Variants in IL20 observed in about 807,000 individuals in gnomAD.
IL20 encodes interleukin 20.
In IL20, 22 loss-of-function variants were observed where a neutral mutation model predicts 19.2. The ratio of observed to expected loss-of-function variants is 1.15; its 90% CI spans 0.82 to 1.64. The LOEUF is 1.64. IL20 is among the 40% of genes most tolerant of loss of function. The pLI, the probability that IL20 is intolerant of heterozygous loss-of-function variation, is 0.00. For missense variants in IL20, 215 were observed against 212.8 expected (o/e 1.01, Z -0.06); for synonymous variants, 70 against 76.2 (o/e 0.92, Z 0.43).
At chr1:206,865,585 G>C (rs1393732620), upstream of IL20, 2 of 1,242,748 alleles carry the variant, frequency 1.6e-6, no homozygotes, top group African/African-American at 3.0e-5. This position sits in a 1 kb window ranked among gnomAD's most constrained non-coding sequence, Gnocchi z 4.1. Context: ...GCCAGGATGG[G>C]GACAGAATAA....
At chr1:206,867,051 G>A (rs1298341948) in intron 4 of IL20, among the ~76,000 whole-genome samples, 1 of 147,138 alleles carries the variant, frequency 6.8e-6, no homozygotes, top group East Asian at 2.0e-4. Context: ...TTTTTCTCAT[G>A]GGGGCTCAAA....
In IL20 at chr1:206,865,775, G is replaced by T; in HGVS notation, c.-30-48G>T. On this transcript the variant is annotated intron_variant, in intron 1 of 5. Transcript: ENST00000367098. This position sits in a 1 kb window ranked among gnomAD's most constrained non-coding sequence, Gnocchi z 4.1. ...CCCACCCCTCACCCCGTGGACACTT[G>T]GAGGAGGGGAAACTCAGTAAGTCAT... is the stretch of plus-strand genomic sequence containing the variant. The T allele has an allele frequency of 2.6e-5, 39 of 1,508,850 alleles. No individual in the cohort carries two copies. The highest frequency in any genetic ancestry group is 2.6e-5 in the Non-Finnish European group (29 of 1,110,294). 93.5% of individuals were successfully genotyped at this position (1,508,850 alleles called of 1,614,324 possible).
upstream of IL20, chr1:206,865,528 C>G: frequency 9.0e-7 from 1 of 1,112,194 alleles, no homozygotes; most frequent in Non-Finnish European, 1.1e-6. This position sits in a 1 kb window ranked among gnomAD's most constrained non-coding sequence, Gnocchi z 4.1. Flanking sequence ...CTATTCACTG[C>G]AAGTGCCTGC....
Position 206,866,578 on chromosome 1 carries a change from G to A in IL20, c.320G>A (p.Arg107Gln), listed in dbSNP as rs35856950. ...CAGACCCCTGACCATTATACTCTCC[G>A]GAAGATCAGCAGCCTCGCCAATTCC... ...NYQTPDHYTLRKISSLANSFL... is the reference protein window; with the variant it reads ...NYQTPDHYTLQKISSLANSFL... Residue 107 changes from arginine (R) to glutamine (Q), a missense_variant, in exon 4 of 6, where the codon CGG (arginine) becomes CAG (glutamine). Coordinates refer to ENST00000367098, the MANE Select transcript of IL20 (RefSeq NM_018724.4). The A allele has an allele frequency of 2.9e-4, 476 of 1,614,060 alleles. 3 individuals carry two copies. In the African/African-American group the frequency reaches 5.0e-3, roughly 17 times the overall value.
intron 3 of IL20, 56 bp from the exon 4 acceptor site, chr1:206,866,428 G>T: frequency 6.2e-7 from 1 of 1,613,262 alleles, no homozygotes; most frequent in Non-Finnish European, 8.5e-7. Flanking sequence ...CCATCACCCT[G>T]GTCTTGTCTC....
At chr1:206,866,463 T>C (rs1282800821) in intron 3 of IL20, 21 bp from the exon 4 acceptor site, 11 of 1,613,902 alleles carry the variant, frequency 6.8e-6, no homozygotes, top group Non-Finnish European at 8.5e-6. Flanking sequence ...CCCTCACCAA[T>C]ATACCTGTGG....
chr1:206,868,582 T>C lies in IL20; in HGVS notation c.*18T>C. ...CAGAATAGGAGGAAAGTGATGCTGCTGCTAAGAATATTCGAGGTCAAGAGC... is the reference window on the plus strand; with the variant it reads ...CAGAATAGGAGGAAAGTGATGCTGCCGCTAAGAATATTCGAGGTCAAGAGC... On this transcript the variant is annotated 3_prime_UTR_variant, in exon 6 of 6. Transcript: ENST00000367098. The C allele has an allele frequency of 1.3e-6, 2 of 1,579,062 alleles. No homozygotes were observed. Among genetic ancestry groups the C allele is most frequent in the Non-Finnish European group, 8.6e-7 (1 of 1,161,030 alleles).
At chr1:206,865,435 C>T, upstream of IL20, 3 of 923,868 alleles carry the variant, frequency 3.2e-6, no homozygotes, top group Non-Finnish European at 3.9e-6. The surrounding 1 kb of genome is among the most constrained non-coding windows in gnomAD (Gnocchi z 4.1). Context: ...GGGTGAGCTA[C>T]GTTGGCTTTC....
chr1:206,867,651 A>G (rs562100814), intron 5 of IL20, among the ~76,000 whole-genome samples, 193 bp downstream of exon 5: 2 of 152,262 alleles, frequency 1.3e-5, no homozygotes, highest in South Asian at 4.2e-4. Context: ...TCTCTGGGTG[A>G]TGCTCTGGAA....
At chr1:206,865,517 T>C (rs1677519999), upstream of IL20, 2 of 1,076,166 alleles carry the variant, frequency 1.9e-6, no homozygotes, top group Non-Finnish European at 2.3e-6. This position sits in a 1 kb window ranked among gnomAD's most constrained non-coding sequence, Gnocchi z 4.1. Context: ...TCATTCTCTA[T>C]CTATTCACTG....
intron 4 of IL20, among the ~76,000 whole-genome samples, chr1:206,867,162 A>G (rs1677575706): frequency 1.3e-5 from 2 of 151,526 alleles, no homozygotes; most frequent in Admixed American, 1.3e-4. Context: ...GCCTATTTCT[A>G]AAAAAGAAGT....
chr1:206,868,622 C>T lies in IL20; in HGVS notation c.*58C>T. 3.8e-6 allele frequency: 5 copies of T among 1,318,490 alleles called. No individual in the cohort carries two copies. Among genetic ancestry groups the T allele is most frequent in the African/African-American group, 1.5e-5 (1 of 67,896 alleles). 81.7% of individuals were successfully genotyped at this position (1,318,490 alleles called of 1,614,324 possible). On this transcript the variant is annotated 3_prime_UTR_variant, in exon 6 of 6. Transcript: ENST00000367098. Reference sequence around the variant, plus strand: ...AGGTCAAGAGCTCCAGTCTTCAATACCTGCAGAGGAGGCATGACCCCAAAC... The same window carrying T: ...AGGTCAAGAGCTCCAGTCTTCAATATCTGCAGAGGAGGCATGACCCCAAAC...
chr1:206,865,785 A>T lies in IL20; in HGVS notation c.-30-38A>T. ...ACCCCGTGGACACTTGGAGGAGGGG[A>T]AACTCAGTAAGTCATGCTCTCTTCT... On this transcript the variant is annotated intron_variant, in intron 1 of 5. Coordinates refer to ENST00000367098, the MANE Select transcript of IL20 (RefSeq NM_018724.4). The surrounding 1 kb of genome is among the most constrained non-coding windows in gnomAD (Gnocchi z 4.1). 6.5e-7 allele frequency: 1 copy of T among 1,545,738 alleles called. No individual in the cohort carries two copies. The highest frequency in any genetic ancestry group is 8.8e-7 in the Non-Finnish European group (1 of 1,139,152).
rs1429695490 is a variant in IL20 at position 206,866,359 on chromosome 1, A to G, written c.220A>G (p.Thr74Ala). The change falls in exon 3 of 6, where the codon ACA becomes GCA. Residue 74 changes from threonine (T) to alanine (A), a missense_variant. Thr to Ala is a moderately conservative substitution (Grantham distance 58, BLOSUM62 0). Coordinates refer to ENST00000367098, the MANE Select transcript of IL20 (RefSeq NM_018724.4). ...AAGGAGGACTGAGTCTTTGCAAGAC[A>G]CAAAGGTATGTGCTTGGCCCAGACA... is the stretch of plus-strand genomic sequence containing the variant. ...ILRRTESLQD[T>A]KPANRCCLLR... The G allele has an allele frequency of 6.2e-7, 1 of 1,614,048 alleles. No individual in the cohort carries two copies. Among genetic ancestry groups the G allele is most frequent in the Admixed American group, 1.7e-5 (1 of 60,028 alleles).
rs758909934 is a variant in IL20, at chr1:206,868,530, A to C, written c.497A>C (p.Asp166Ala). The C allele has an allele frequency of 4.4e-6, 7 of 1,606,896 alleles. No homozygotes were observed. Among genetic ancestry groups the C allele is most frequent in the Non-Finnish European group, 5.1e-6 (6 of 1,176,638 alleles). ...GTTGTGAAGGCTTTGGGGGAACTAG[A>C]CATTCTTCTGCAATGGATGGAGGAG... The part of the protein sequence containing the change: ...AAVVKALGEL[D>A]ILLQWMEETE The change falls in exon 6 of 6, where the codon GAC becomes GCC. Residue 166 changes from aspartate to alanine, a missense_variant. Physicochemically the swap from Asp to Ala is moderately radical, Grantham distance 126 (BLOSUM62 -2). Transcript: ENST00000367098.
At chr1:206,865,112 G>C (rs1458155371), upstream of IL20, among the ~76,000 whole-genome samples, 1 of 152,210 alleles carries the variant, frequency 6.6e-6, no homozygotes, top group African/African-American at 2.4e-5. The surrounding 1 kb of genome is among the most constrained non-coding windows in gnomAD (Gnocchi z 4.1). Flanking sequence ...CTCCTGCAGA[G>C]GGCGCTGTGG....
At chr1:206,868,029 A>C (rs1288521039) in intron 5 of IL20, among the ~76,000 whole-genome samples, 1 of 152,086 alleles carries the variant, frequency 6.6e-6, no homozygotes, top group Non-Finnish European at 1.5e-5. Context: ...TGTTTTTGCC[A>C]GTCTCCTCAC....
At chr1:206,868,169 T>TGCAC (rs1558632060) in intron 5 of IL20, among the ~76,000 whole-genome samples, 1 of 149,336 alleles carries the variant, frequency 6.7e-6, no homozygotes, top group Non-Finnish European at 1.5e-5. Flanking sequence ...CACAGGCACG[T>TGCAC]GCACACACAC....
At chr1:206,864,153 C>T (rs914270641), upstream of IL20, among the ~76,000 whole-genome samples, 2 of 152,156 alleles carry the variant, frequency 1.3e-5, no homozygotes, top group Non-Finnish European at 2.9e-5. Context: ...GAATGACCCA[C>T]ATCAATGGAA....
Sources: allele counts gnomAD v4.1 joint callset (sites outside exome capture counted in the v4.1 genomes callset), GRCh38; gene constraint gnomAD v4.1.1; non-coding constraint Gnocchi (gnomAD v3.1); transcripts MANE v1.5; gene names NCBI Gene and HGNC (gene_info 2026-07-23, HGNC 2026-07-21).